The following LRRC7 variants were observed in gnomAD, a reference collection of about 807,000 sequenced individuals.
LRRC7 encodes the protein leucine rich repeat containing 7, also known as leucine-rich repeat-containing protein 7.
LRRC7 carries 23 observed loss-of-function variants against 175.7 expected under a neutral mutation model. That is an observed-to-expected ratio of 0.13 (90% CI 0.09 to 0.19). The LOEUF is 0.19. LRRC7 is among the 10% of genes least tolerant of loss of function. LRRC7 has a pLI of 1.00. For synonymous variants in LRRC7, 685 were observed against 680.9 expected (o/e 1.01, Z -0.09); for missense variants, 1,354 against 1,904.7 (o/e 0.71, Z 5.38).
intron 1 of LRRC7, among the ~76,000 whole-genome samples, chr1:69,651,244 T>C (rs1363826677): frequency 6.6e-6 from 1 of 152,176 alleles, no homozygotes; most frequent in African/African-American, 2.4e-5. Flanking sequence ...AACATTGTTT[T>C]CTGAGGCAAG....
At chr1:69,785,797 A>G (rs1674342619) in intron 3 of LRRC7, among the ~76,000 whole-genome samples, 1 of 152,120 alleles carries the variant, frequency 6.6e-6, no homozygotes, top group Admixed American at 6.6e-5. Context: ...GTAATATAAT[A>G]TAATAATAAT....
chr1:70,084,608 G>A (rs1220219148), intron 24 of LRRC7, among the ~76,000 whole-genome samples: 1 of 152,136 alleles, frequency 6.6e-6, no homozygotes, highest in East Asian at 1.9e-4. Flanking sequence ...TAGCACTGCT[G>A]TGAACATTAA....
chr1:69,964,293 A>G (rs1490889766), intron 8 of LRRC7, among the ~76,000 whole-genome samples: 1 of 152,214 alleles, frequency 6.6e-6, no homozygotes, highest in Non-Finnish European at 1.5e-5. Flanking sequence ...GTTAATCCTC[A>G]GTATCCTCCT....
intron 7 of LRRC7, among the ~76,000 whole-genome samples, chr1:69,888,291 C>T (rs1158511468): frequency 2.0e-5 from 3 of 152,164 alleles, no homozygotes; most frequent in Non-Finnish European, 2.9e-5. Flanking sequence ...GTAGGACCCT[C>T]GGATCCAGGT....
intron 2 of LRRC7, among the ~76,000 whole-genome samples, chr1:69,733,942 T>C (rs1667843555): frequency 6.6e-6 from 1 of 151,974 alleles, no homozygotes; most frequent in African/African-American, 2.4e-5. Context: ...AATAATCCTA[T>C]TGTAGTTTTT....
At chr1:69,610,501 A>G (rs1318385637) in intron 1 of LRRC7, among the ~76,000 whole-genome samples, 1 of 151,776 alleles carries the variant, frequency 6.6e-6, no homozygotes, top group African/African-American at 2.4e-5. Context: ...GTTGTTTTCT[A>G]TGTCTATGAT....
chr1:69,939,560 T>TAACCCCA (rs1648489431), intron 8 of LRRC7, among the ~76,000 whole-genome samples: 1 of 152,112 alleles, frequency 6.6e-6, no homozygotes, highest in African/African-American at 2.4e-5. Context: ...GCAGTGTGGC[T>TAACCCCA]AACCCCAGAA....
At chr1:69,694,816 C>T (rs1032697883) in intron 2 of LRRC7, among the ~76,000 whole-genome samples, 2 of 152,032 alleles carry the variant, frequency 1.3e-5, no homozygotes, top group Admixed American at 6.6e-5. Flanking sequence ...TGATCATAAG[C>T]TTCTTGAGGC....
At chr1:69,580,809 A>T (rs1198432895) in intron 1 of LRRC7, among the ~76,000 whole-genome samples, 1 of 152,198 alleles carries the variant, frequency 6.6e-6, no homozygotes, top group Non-Finnish European at 1.5e-5. Flanking sequence ...AATTCTAGGG[A>T]TATACAATTA....
intron 8 of LRRC7, among the ~76,000 whole-genome samples, chr1:69,959,897 T>G (rs1317342624): frequency 6.6e-6 from 1 of 152,126 alleles, no homozygotes; most frequent in Non-Finnish European, 1.5e-5. Flanking sequence ...GTCAGTATTT[T>G]GTTGAGGATT....
intron 4 of LRRC7, among the ~76,000 whole-genome samples, chr1:69,807,288 C>T (rs1240455357): frequency 1.3e-5 from 2 of 152,040 alleles, no homozygotes; most frequent in African/African-American, 4.8e-5. Flanking sequence ...GCATTTAGCC[C>T]ATTTTCATTT....
intron 7 of LRRC7, among the ~76,000 whole-genome samples, chr1:69,892,039 AT>A (rs879438133): frequency 1.4e-4 from 22 of 152,342 alleles, no homozygotes; most frequent in Admixed American, 1.4e-3. Context: ...TAATTTCACA[AT>A]GTATACATAT....
intron 4 of LRRC7, among the ~76,000 whole-genome samples, chr1:69,822,797 A>G (rs74784023): frequency 0.036 from 5,459 of 152,300 alleles, 139 homozygotes; most frequent in Middle Eastern, 0.075. Context: ...CTTTGCTCCA[A>G]TGATATGCTG....
At chr1:69,760,788 T>C (rs1670957180) in intron 3 of LRRC7, among the ~76,000 whole-genome samples, 1 of 152,074 alleles carries the variant, frequency 6.6e-6, no homozygotes, top group African/African-American at 2.4e-5. Flanking sequence ...CAACCTTGAA[T>C]TGTATGCTGT....
intron 1 of LRRC7, among the ~76,000 whole-genome samples, chr1:69,675,066 A>G (rs1659587824): frequency 6.6e-6 from 1 of 152,182 alleles, no homozygotes; most frequent in Admixed American, 6.5e-5. Context: ...AACTTTACCT[A>G]AAATCATCCT....
rs558833815 is a variant in LRRC7, at chr1:69,864,287, C to A, written c.647+26004C>A. On this transcript the variant is annotated intron_variant, in intron 7 of 26. Transcript: ENST00000651989. ...AGAAATATGAATGTCTTTTATATTTCTATCTCCATTGCCTAGAGCAGTAGC... is the reference window on the plus strand; with the variant it reads ...AGAAATATGAATGTCTTTTATATTTATATCTCCATTGCCTAGAGCAGTAGC... Among the ~76,000 whole-genome samples, 5 of 152,236 alleles carry A rather than the reference C, an allele frequency of 3.3e-5. No homozygotes were observed. The South Asian group carries it at 1.0e-3, about 32-fold the overall frequency.
chr1:70,038,796 T>C lies in LRRC7; in HGVS notation c.2972T>C (p.Ile991Thr). The C allele has an allele frequency of 4.3e-6, 7 of 1,614,068 alleles. No individual in the cohort carries two copies. The highest frequency in any genetic ancestry group is 3.4e-6 in the Non-Finnish European group (4 of 1,179,998). ...AAAAAGTCACAGAGTATCGATGAGA[T>C]TGACATTGGTACATATAAGGTGTAT... ...KFKKSQSIDE[I>T]DIGTYKVYNI... The change falls in exon 21 of 27, where the codon ATT becomes ACT. Residue 991 changes from isoleucine to threonine, a missense_variant. Transcript: ENST00000651989.
At chr1:69,904,296 ATAT>A (rs148927487) in intron 7 of LRRC7, among the ~76,000 whole-genome samples, 2,054 of 152,298 alleles carry the variant, frequency 0.013, 25 homozygotes, top group South Asian at 0.026. Context: ...GATACAATAA[ATAT>A]TAAAAAAGAA....
At chr1:69,997,778 T>G (rs1388530636) in intron 11 of LRRC7, among the ~76,000 whole-genome samples, 5 of 151,848 alleles carry the variant, frequency 3.3e-5, no homozygotes, top group Admixed American at 6.6e-5. Flanking sequence ...ATAAGCTTTT[T>G]GATGTGCTGC....
Sources: gnomAD v4.1 joint callset for allele counts (sites outside exome capture counted in the v4.1 genomes callset) on GRCh38, gnomAD v4.1.1 for gene constraint, MANE v1.5 for transcripts, NCBI Gene and HGNC (gene_info 2026-07-23, HGNC 2026-07-21) for gene names.